SMARCA2: variants seen among roughly 807,000 people sequenced by gnomAD.
SMARCA2 encodes the protein SWI/SNF-related matrix-associated actin-dependent regulator of chromatin subfamily A member 2.
A neutral mutation model predicts 199.8 loss-of-function variants in SMARCA2; 61 were observed. The ratio of observed to expected loss-of-function variants is 0.31; its 90% CI spans 0.25 to 0.38. The LOEUF (loss-of-function observed/expected upper bound fraction) is 0.38. SMARCA2 is among the 10% of genes least tolerant of loss of function. SMARCA2 has a pLI of 1.00. For synonymous variants in SMARCA2, 935 were observed against 732.0 expected (o/e 1.28, Z -4.48); for missense variants, 1,344 against 2,012.2 (o/e 0.67, Z 6.35).
At chr9:2,192,122 G>A (rs1827928664) in intron 33 of SMARCA2, 1 of 164,586 alleles carries the variant, frequency 6.1e-6, no homozygotes, top group Non-Finnish European at 1.3e-5. Context: ...CAGCAAGGTA[G>A]AAGAGTGGGC....
chr9:2,138,030 A>C (rs999574651), intron 27 of SMARCA2, among the ~76,000 whole-genome samples: 5 of 152,202 alleles, frequency 3.3e-5, no homozygotes, highest in African/African-American at 1.2e-4. Context: ...CCTCCATTCT[A>C]ATTTCAGAAC....
intron 2 of SMARCA2, 118 bp downstream of exon 2, chr9:2,029,365 T>A: frequency 7.3e-7 from 1 of 1,371,284 alleles, no homozygotes; most frequent in African/African-American, 1.5e-5. Context: ...GATCTTTGTC[T>A]TGTATATCTC....
At chr9:2,081,775 T>G in intron 14 of SMARCA2, 57 bp from the exon 15 acceptor site, 2 of 1,530,220 alleles carry the variant, frequency 1.3e-6, no homozygotes, top group Non-Finnish European at 1.8e-6. Context: ...TGGGTTGTAT[T>G]AGGATTAATT....
At chr9:2,147,903 C>T (rs1379665843) in intron 27 of SMARCA2, among the ~76,000 whole-genome samples, 1 of 151,188 alleles carries the variant, frequency 6.6e-6, no homozygotes, top group African/African-American at 2.4e-5. Context: ...GATCACAGCT[C>T]ATTGCAGCCT....
chr9:2,183,022 C>T (rs990723688), intron 31 of SMARCA2, among the ~76,000 whole-genome samples: 50 of 152,106 alleles, frequency 3.3e-4, no homozygotes, highest in Admixed American at 3.3e-3. Context: ...AACTCCTGAC[C>T]TCAGGTGATC....
At chr9:2,067,656 C>G (rs954967251) in intron 9 of SMARCA2, among the ~76,000 whole-genome samples, 1 of 152,176 alleles carries the variant, frequency 6.6e-6, no homozygotes, top group African/African-American at 2.4e-5. Flanking sequence ...AAATGATTTG[C>G]TCAAGATCAT....
intron 31 of SMARCA2, among the ~76,000 whole-genome samples, chr9:2,185,382 G>A (rs895744486): frequency 7.9e-5 from 12 of 152,144 alleles, no homozygotes; most frequent in African/African-American, 2.7e-4. Context: ...TCCATTAAAT[G>A]TATAGACTAT....
chr9:2,071,444 G>A (rs1821083977), intron 10 of SMARCA2, among the ~76,000 whole-genome samples: 1 of 152,180 alleles, frequency 6.6e-6, no homozygotes, highest in South Asian at 2.1e-4. Context: ...CAAAAGCCCA[G>A]CCTTACCTAA....
intron 14 of SMARCA2, chr9:2,080,168 C>T (rs1179247993): frequency 6.6e-6 from 1 of 152,220 alleles, no homozygotes; most frequent in East Asian, 1.9e-4. Context: ...AGTAAGCTTT[C>T]TATCTTCTTG....
chr9:2,159,355 A>G (rs1307866392), intron 27 of SMARCA2: 2 of 238,810 alleles, frequency 8.4e-6, no homozygotes, highest in Non-Finnish European at 1.6e-5. Context: ...TGAATCTTAG[A>G]ACATGTACAT....
At chr9:2,059,622 A>G (rs1457305127) in intron 8 of SMARCA2, among the ~76,000 whole-genome samples, 1 of 152,234 alleles carries the variant, frequency 6.6e-6, no homozygotes, top group African/African-American at 2.4e-5. Flanking sequence ...TGGAATATAC[A>G]GATAATAGAG....
chr9:2,084,917 C>T (rs1188698486), intron 17 of SMARCA2, among the ~76,000 whole-genome samples: 1 of 152,162 alleles, frequency 6.6e-6, no homozygotes, highest in Admixed American at 6.5e-5. Context: ...TGGAAGTGCT[C>T]TCTTTCGTGG....
chr9:2,151,847 GAACAGAA>G (rs1825098412), intron 27 of SMARCA2, among the ~76,000 whole-genome samples: 1 of 152,042 alleles, frequency 6.6e-6, no homozygotes, highest in South Asian at 2.1e-4. Context: ...ATTGCGCTAG[GAACAGAA>G]AACCACTTAT....
intron 10 of SMARCA2, chr9:2,072,993 GT>G (rs1461543155): frequency 1.9e-6 from 1 of 527,974 alleles, no homozygotes; most frequent in Non-Finnish European, 3.4e-6. Context: ...TGGAGCTGAG[GT>G]TTGTGCCTGT....
chr9:2,046,933 C>T (rs781020692), intron 4 of SMARCA2, among the ~76,000 whole-genome samples: 1 of 152,178 alleles, frequency 6.6e-6, no homozygotes, highest in African/African-American at 2.4e-5. Context: ...CATTTGCACC[C>T]GTGTTCGTTA....
intron 29 of SMARCA2, among the ~76,000 whole-genome samples, chr9:2,175,021 A>G (rs1328023537): frequency 6.6e-6 from 1 of 151,198 alleles, no homozygotes; most frequent in Non-Finnish European, 1.5e-5. Flanking sequence ...GGGTTCTTAC[A>G]TTTTGAAAGA....
At chr9:2,070,604 G>C (rs1414228582) in intron 10 of SMARCA2, 133 bp downstream of exon 10, 9 of 639,298 alleles carry the variant, frequency 1.4e-5, no homozygotes, top group Non-Finnish European at 2.2e-5. Flanking sequence ...TAATACATTA[G>C]CATAGTAGAA....
At chr9:2,067,296 A>C (rs1341518145) in intron 9 of SMARCA2, among the ~76,000 whole-genome samples, 2 of 152,244 alleles carry the variant, frequency 1.3e-5, no homozygotes, top group African/African-American at 2.4e-5. Flanking sequence ...GCTTTCATTC[A>C]TTCCTTCAAT....
intron 29 of SMARCA2, among the ~76,000 whole-genome samples, chr9:2,177,971 T>C (rs182627991): frequency 4.6e-5 from 7 of 151,890 alleles, no homozygotes; most frequent in African/African-American, 1.7e-4. Flanking sequence ...CAGTTTAGAG[T>C]CATAGTATAG....
Sources: gnomAD v4.1 joint callset for allele counts (sites outside exome capture counted in the v4.1 genomes callset) on GRCh38, gnomAD v4.1.1 for gene constraint, MANE v1.5 for transcripts, NCBI Gene and HGNC (gene_info 2026-07-23, HGNC 2026-07-21) for gene names.